Variants in BEGAIN observed in about 807,000 individuals in gnomAD.
The protein encoded by BEGAIN is brain enriched guanylate kinase associated.
Under a neutral mutation model 35.8 loss-of-function variants are expected in BEGAIN, and 19 were observed. That is an observed-to-expected ratio of 0.53 (90% CI 0.37 to 0.78). BEGAIN has a LOEUF of 0.78. Among genes scored for constraint, BEGAIN ranks in the 30% least tolerant of loss-of-function variants. The pLI is 0.00. For missense variants in BEGAIN, 795 were observed against 853.6 expected (o/e 0.93, Z 0.85); for synonymous variants, 462 against 388.6 (o/e 1.19, Z -2.22).
intron 5 of BEGAIN, among the ~76,000 whole-genome samples, chr14:100,542,569 G>A (rs1356968083): frequency 6.6e-6 from 1 of 152,220 alleles, no homozygotes; most frequent in African/African-American, 2.4e-5. Context: ...GCTGTCCCCA[G>A]CCAGGAAATG....
chr14:100,584,757 C>T (rs890885025), intron 1 of BEGAIN, among the ~76,000 whole-genome samples: 1 of 152,134 alleles, frequency 6.6e-6, no homozygotes, highest in Non-Finnish European at 1.5e-5. Flanking sequence ...AGTGAGTCAG[C>T]GGCAGAGGAG....
chr14:100,549,011 CT>C (rs2032889251), intron 2 of BEGAIN: 1 of 152,334 alleles, frequency 6.6e-6, no homozygotes, highest in Non-Finnish European at 1.5e-5. Context: ...TCTCACACCC[CT>C]CTCTGCCTCA....
Position 100,538,368 on chromosome 14 carries a change from G to A in BEGAIN, c.1440C>T (p.Asp480=), listed in dbSNP as rs376150355. The A allele has an allele frequency of 3.3e-6, 5 of 1,514,356 alleles. No individual in the cohort carries two copies. The highest frequency in any genetic ancestry group is 4.4e-6 in the Non-Finnish European group (5 of 1,138,570). 93.8% of individuals were successfully genotyped at this position (1,514,356 alleles called of 1,614,324 possible). A position where few individuals can be genotyped will look rare whatever the true frequency, so the allele number is the denominator to read the frequency against. ...TGGCGTAGAGCGGGCTGGCGCGGCCGTCGGCCTTCTTGCCCGGGCTGCCCC... is the reference window on the plus strand; with the variant it reads ...TGGCGTAGAGCGGGCTGGCGCGGCCATCGGCCTTCTTGCCCGGGCTGCCCC... ...GAGGSPGKKA[D]GRASPLYASY... Residue 480 remains aspartate (D), a synonymous_variant, in exon 7 of 7, where the codon GAC becomes GAT. Coordinates refer to ENST00000554140, the MANE Select transcript of BEGAIN (RefSeq NM_001385089.1).
intron 2 of BEGAIN, among the ~76,000 whole-genome samples, chr14:100,564,174 A>G (rs1047978752): frequency 5.3e-5 from 8 of 151,532 alleles, no homozygotes; most frequent in East Asian, 1.9e-4. Context: ...GGGGTTGGCC[A>G]TGTTGAACTC....
chr14:100,538,863 C>A lies in BEGAIN; in HGVS notation c.945G>T (p.Thr315=). 1.2e-6 allele frequency: 2 copies of A among 1,607,724 alleles called. No homozygotes were observed. Among genetic ancestry groups the A allele is most frequent in the East Asian group, 4.5e-5 (2 of 44,634 alleles). Residue 315 remains threonine, a synonymous_variant, in exon 7 of 7, where the codon ACG becomes ACT. Transcript: ENST00000554140. ...CGCTGAAGCTGGAGTAGGAGCTGGA[C>A]GTGGGCAGTGAGCCTGCGTAGCTGG... ...AFPSYAGSLP[T]SSSYSSFSAT...
rs1336176121 is a variant in BEGAIN at position 100,537,359 on chromosome 14, T to C, written c.*610A>G. On this transcript the variant is annotated 3_prime_UTR_variant, in exon 7 of 7. Transcript: ENST00000554140. ...CATCATCCCGGCCCACCCGGGACGA[T>C]GGGCCGTGGGAGGGCTCAGGGCGGT... is the stretch of plus-strand genomic sequence containing the variant. The C allele has an allele frequency of 6.6e-6, 1 of 152,584 alleles. No individual in the cohort carries two copies. The highest frequency in any genetic ancestry group is 1.9e-4 in the East Asian group (1 of 5,174). 9.5% of individuals were successfully genotyped at this position (152,584 alleles called of 1,614,324 possible).
At position 100,538,298 on chromosome 14, in the gene BEGAIN, C is replaced by G; in HGVS notation, c.1510G>C (p.Gly504Arg). 2 of 1,546,706 alleles carry G rather than the reference C, an allele frequency of 1.3e-6. No homozygotes were observed. The highest frequency in any genetic ancestry group is 1.7e-6 in the Non-Finnish European group (2 of 1,155,656). The change falls in exon 7 of 7, where the codon GGC becomes CGC. Residue 504 changes from glycine (G) to arginine (R), a missense_variant. Coordinates refer to ENST00000554140, the MANE Select transcript of BEGAIN (RefSeq NM_001385089.1). Reference protein sequence around the residue: ...SFSEGDDLSQGHLAEPCFLRA... With the variant: ...SFSEGDDLSQRHLAEPCFLRA... ...AGGAAGCAGGGCTCTGCCAGGTGGCCCTGGGAGAGGTCGTCCCCCTCGGAG... is the reference window on the plus strand; with the variant it reads ...AGGAAGCAGGGCTCTGCCAGGTGGCGCTGGGAGAGGTCGTCCCCCTCGGAG...
At chr14:100,557,952 C>T (rs1269672724) in intron 2 of BEGAIN, among the ~76,000 whole-genome samples, 2 of 152,152 alleles carry the variant, frequency 1.3e-5, no homozygotes, top group African/African-American at 2.4e-5. Flanking sequence ...TGCCCCGACA[C>T]CCGGTGCCGC....
At chr14:100,539,691 G>T (rs77965582) in intron 6 of BEGAIN, among the ~76,000 whole-genome samples, 1 of 151,988 alleles carries the variant, frequency 6.6e-6, no homozygotes, top group Non-Finnish European at 1.5e-5. Flanking sequence ...CCCAGCGAGG[G>T]GTTGACTTGC....
chr14:100,538,549 C>T lies in BEGAIN; in HGVS notation c.1259G>A (p.Arg420Gln). 3 of 1,518,960 alleles carry T rather than the reference C, an allele frequency of 2.0e-6. No individual in the cohort carries two copies. Among genetic ancestry groups the T allele is most frequent in the Middle Eastern group, 1.7e-4 (1 of 5,720 alleles). The allele number at this position is 1,518,960 out of a possible 1,614,324, so 94.1% of individuals were successfully genotyped here. Reference sequence around the variant, plus strand: ...GAGCCGGGCGGTCCCCGGCTTGGCCCGCAGGCTCCACAGGTTTGGGGGCAT... The same window carrying T: ...GAGCCGGGCGGTCCCCGGCTTGGCCTGCAGGCTCCACAGGTTTGGGGGCAT... The part of the protein sequence containing the change: ...ALMPPNLWSL[R>Q]AKPGTARLPG... The change falls in exon 7 of 7, where the codon CGG becomes CAG. Residue 420 changes from arginine (R) to glutamine (Q), a missense_variant. Around this residue, in one of 3 missense-constraint regions of BEGAIN, gnomAD observed 664 missense variants for 647.7 expected, o/e 1.03. Transcript: ENST00000554140.
In BEGAIN at chr14:100,573,151, G is replaced by C. The variant is rs987295215; in HGVS notation, c.43-5212C>G. On this transcript the variant is annotated intron_variant, in intron 1 of 6. Coordinates refer to ENST00000554140, the MANE Select transcript of BEGAIN (RefSeq NM_001385089.1). This position sits in a 1 kb window ranked among gnomAD's most constrained non-coding sequence, Gnocchi z 4.2. ...GAGCCCAGTAGCAGATGAATCCCAA[G>C]GGGCCACTGGAGGAGGGAGCAGGTG... Among the ~76,000 whole-genome samples, 1 of 150,980 alleles carries C rather than the reference G, an allele frequency of 6.6e-6. No individual in the cohort carries two copies. Among genetic ancestry groups the C allele is most frequent in the Non-Finnish European group, 1.5e-5 (1 of 67,790 alleles).
chr14:100,546,667 A>G lies in BEGAIN; in HGVS notation c.72-5T>C. ...CCCTTCTGCTCCTGCAGCGCGCTGC[A>G]ACGACATGGCGGCGGCGGGCCGGGC... On this transcript the variant is annotated splice_polypyrimidine_tract_variant and splice_region_variant and intron_variant, in intron 2 of 6. Transcript: ENST00000554140. 1 of 1,555,418 alleles carries G rather than the reference A, an allele frequency of 6.4e-7. No homozygotes were observed. The highest frequency in any genetic ancestry group is 8.7e-7 in the Non-Finnish European group (1 of 1,155,986).
At chr14:100,583,266 G>A (rs529144888) in intron 1 of BEGAIN, among the ~76,000 whole-genome samples, 14 of 151,902 alleles carry the variant, frequency 9.2e-5, no homozygotes, top group African/African-American at 2.9e-4. Context: ...CCACACATCC[G>A]TCAATATACA....
chr14:100,575,562 G>C lies in BEGAIN; in HGVS notation c.43-7623C>G, dbSNP rs113840977. 2.0e-4 allele frequency among the ~76,000 whole-genome samples: 30 copies of C among 152,262 alleles called. 1 individual carries two copies. Among genetic ancestry groups the C allele is most frequent in the Admixed American group, 9.8e-4 (15 of 15,294 alleles). ...ACTGACCCTAGGATCACTTTCTCAG[G>C]CTTGCTGTATTTGATCTGAGGCTGG... On this transcript the variant is annotated intron_variant, in intron 1 of 6. Coordinates refer to ENST00000554140, the MANE Select transcript of BEGAIN (RefSeq NM_001385089.1).
intron 2 of BEGAIN, among the ~76,000 whole-genome samples, chr14:100,557,058 GCCGGC>G (rs2033799987): frequency 7.8e-6 from 1 of 128,002 alleles, no homozygotes; most frequent in Non-Finnish European, 1.7e-5. Flanking sequence ...CGCCGGCTCT[GCCGGC>G]CTCTTCCAGC....
At position 100,538,932 on chromosome 14, in the gene BEGAIN, G is replaced by C. The variant is rs1478583791; in HGVS notation, c.876C>G (p.Ala292=). The change falls in exon 7 of 7, where the codon GCC becomes GCG. Residue 292 remains alanine, a synonymous_variant. Transcript: ENST00000554140. ...TDSAAEEEEE[A]EAAAFPAGFQ... ...AGCCCGCCGGGAAGGCCGCCGCCTC[G>C]GCCTCCTCCTCCTCCTCGGCCGCGC... 7 of 1,608,204 alleles carry C rather than the reference G, an allele frequency of 4.4e-6. No homozygotes were observed. Among genetic ancestry groups the C allele is most frequent in the Non-Finnish European group, 5.9e-6 (7 of 1,177,918 alleles).
rs536208105 is a variant in BEGAIN, at chr14:100,538,179, G to A, written c.1629C>T (p.Leu543=). Residue 543 remains leucine, a synonymous_variant, in exon 7 of 7, where the codon CTC becomes CTT. Transcript: ENST00000554140. ...APSEGGDGDR[L]GVQLCGTASS... ...TGGCGGTCCCACACAGCTGCACCCC[G>A]AGCCTGTCCCCGTCCCCCCCCTCGC... is the stretch of plus-strand genomic sequence containing the variant. The A allele has an allele frequency of 2.0e-4, 303 of 1,539,578 alleles. 2 individuals carry two copies. The South Asian group carries it at 2.5e-3, about 13-fold the overall frequency.
intron 2 of BEGAIN, among the ~76,000 whole-genome samples, chr14:100,553,986 GC>G (rs2139572449): frequency 6.6e-6 from 1 of 152,248 alleles, no homozygotes; most frequent in African/African-American, 2.4e-5. Flanking sequence ...CAGGGCTGGA[GC>G]CCCAGGGCCC....
intron 1 of BEGAIN, among the ~76,000 whole-genome samples, chr14:100,575,618 T>A (rs183134657): frequency 2.2e-4 from 33 of 152,116 alleles, no homozygotes; most frequent in Non-Finnish European, 4.3e-4. Context: ...GTGCCCATCA[T>A]GAGATACGAT....
Sources: gnomAD v4.1 joint callset for allele counts (sites outside exome capture counted in the v4.1 genomes callset) on GRCh38, gnomAD v4.1.1 for gene constraint, gnomAD v4.1.1 regional missense constraint, Gnocchi (gnomAD v3.1) non-coding constraint, MANE v1.5 for transcripts, NCBI Gene and HGNC (gene_info 2026-07-23, HGNC 2026-07-21) for gene names.